The following KCTD10 variants were observed in gnomAD, a reference collection of about 807,000 sequenced individuals.
KCTD10 encodes the protein potassium channel tetramerization domain containing 10.
Under a neutral mutation model 34.6 loss-of-function variants are expected in KCTD10, and 13 were observed. The ratio of observed to expected loss-of-function variants is 0.38; its 90% CI spans 0.24 to 0.60. KCTD10 has a LOEUF of 0.60. KCTD10 is among the 20% of genes least tolerant of loss of function. The probability of loss-of-function intolerance (pLI) is 0.66; values close to 1 mark genes in which losing one functional copy is unlikely to be tolerated. For missense variants in KCTD10, 256 were observed against 420.3 expected (o/e 0.61, Z 3.42); for synonymous variants, 156 against 168.8 (o/e 0.92, Z 0.59).
rs374862342 is a variant in KCTD10, at chr12:109,457,976, G to C, written c.474+16C>G. ...CTGGTAGCAAAAGAAATTCCACAAG[G>C]GTGCCTCCAACATACCTTATTTGAA... On this transcript the variant is annotated intron_variant, in intron 4 of 6. Transcript: ENST00000228495. 11 of 1,593,318 alleles carry C rather than the reference G, an allele frequency of 6.9e-6. No homozygotes were observed. The East Asian group carries it at 2.0e-4, about 29-fold the overall frequency.
intron 3 of KCTD10, chr12:109,458,930 A>T (rs1390066587): frequency 6.6e-6 from 1 of 152,358 alleles, no homozygotes; most frequent in Admixed American, 6.5e-5. Flanking sequence ...AGGACCTTCC[A>T]TGCACAAACA....
At chr12:109,462,416 G>T (rs1873382548) in intron 2 of KCTD10, among the ~76,000 whole-genome samples, 1 of 152,240 alleles carries the variant, frequency 6.6e-6, no homozygotes, top group African/African-American at 2.4e-5. Flanking sequence ...CAAATGTATA[G>T]CCCTGAGTCA....
Position 109,456,102 on chromosome 12 carries a change from C to T in KCTD10, c.723+16G>A, listed in dbSNP as rs1209112425. ...TTCAGAACAGCCACTCCAAACTGTC[C>T]TCTCGAGGCTCTTACCTTGGTCTGT... is the stretch of plus-strand genomic sequence containing the variant. On this transcript the variant is annotated intron_variant, in intron 6 of 6. Coordinates refer to ENST00000228495, the MANE Select transcript of KCTD10 (RefSeq NM_031954.5). The T allele has an allele frequency of 1.9e-6, 3 of 1,613,606 alleles. No homozygotes were observed. The highest frequency in any genetic ancestry group is 4.5e-5 in the East Asian group (2 of 44,874).
chr12:109,461,266 A>T (rs1389977124), intron 2 of KCTD10, among the ~76,000 whole-genome samples: 1 of 152,164 alleles, frequency 6.6e-6, no homozygotes, highest in East Asian at 1.9e-4. Context: ...ATTTCTAAGA[A>T]CGCACAAGTC....
At position 109,451,558 on chromosome 12, in the gene KCTD10, G is replaced by A; in HGVS notation, c.*37C>T. 1 of 1,564,428 alleles carries A rather than the reference G, an allele frequency of 6.4e-7. No homozygotes were observed. On this transcript the variant is annotated 3_prime_UTR_variant, in exon 7 of 7. Coordinates refer to ENST00000228495, the MANE Select transcript of KCTD10 (RefSeq NM_031954.5). This position sits in a 1 kb window ranked among gnomAD's most constrained non-coding sequence, Gnocchi z 5.0. The stretch of plus-strand genomic sequence containing the variant: ...CTGGGTGTAGCACGGCAGGGAGTGG[G>A]GGCGGTGAGAGGAGGGCGGCTCGGT...
intron 6 of KCTD10, among the ~76,000 whole-genome samples, chr12:109,452,831 C>A (rs1872842854): frequency 7.9e-6 from 1 of 125,856 alleles, no homozygotes; most frequent in Non-Finnish European, 1.7e-5. Context: ...GGGAGGAAAT[C>A]CTGGTTTTCT....
At chr12:109,470,183 C>T in intron 1 of KCTD10, 2 of 992,546 alleles carry the variant, frequency 2.0e-6, no homozygotes, top group Non-Finnish European at 2.4e-6. Context: ...TTTACATTTC[C>T]TTATTGCCAT....
Position 109,460,886 on chromosome 12 carries a change from G to C in KCTD10, c.218-81C>G. 7.2e-7 allele frequency: 1 copy of C among 1,394,834 alleles called. No homozygotes were observed. The highest frequency in any genetic ancestry group is 1.3e-5 in the South Asian group (1 of 78,040). 86.4% of individuals were successfully genotyped at this position (1,394,834 alleles called of 1,614,324 possible). A position where few individuals can be genotyped will look rare whatever the true frequency, so the allele number is the denominator to read the frequency against. On this transcript the variant is annotated intron_variant, in intron 2 of 6. Transcript: ENST00000228495. This position sits in a 1 kb window ranked among gnomAD's most constrained non-coding sequence, Gnocchi z 4.5. ...CTGAGCAGAGCTGGGGTGTCTCTCG[G>C]CTCCCTCTACCTCCCAGCGGAGAGC...
chr12:109,456,417 ACCT>A (rs1372040164), intron 5 of KCTD10, 104 bp from the exon 6 acceptor site: 3 of 908,090 alleles, frequency 3.3e-6, no homozygotes, highest in Non-Finnish European at 5.4e-6. Flanking sequence ...TTTCTCCACT[ACCT>A]CATTTCAACC....
In KCTD10 at chr12:109,448,757, A is replaced by T. The variant is rs1022818078; in HGVS notation, c.*2838T>A. ...TTTTTTATGGCGCAAAGAGACAGAA[A>T]GGTTAATGACACACTTAACTGTTAC... On this transcript the variant is annotated 3_prime_UTR_variant, in exon 7 of 7. Coordinates refer to ENST00000228495, the MANE Select transcript of KCTD10 (RefSeq NM_031954.5). The T allele has an allele frequency of 6.6e-6, 1 of 152,258 alleles. No individual in the cohort carries two copies. Among genetic ancestry groups the T allele is most frequent in the Non-Finnish European group, 1.5e-5 (1 of 68,040 alleles). 9.4% of individuals were successfully genotyped at this position (152,258 alleles called of 1,614,324 possible).
At chr12:109,467,152 A>G (rs1873630459) in intron 2 of KCTD10, among the ~76,000 whole-genome samples, 1 of 152,210 alleles carries the variant, frequency 6.6e-6, no homozygotes, top group Non-Finnish European at 1.5e-5. Flanking sequence ...CAGGCCCACA[A>G]CTAGCCATGG....
At chr12:109,470,689 T>C (rs1220997698) in intron 1 of KCTD10, 1 of 721,922 alleles carries the variant, frequency 1.4e-6, no homozygotes, top group African/African-American at 1.9e-5. Context: ...GGCCACTCTG[T>C]GCCCTTGCGA....
At chr12:109,454,483 C>G (rs1872925536) in intron 6 of KCTD10, among the ~76,000 whole-genome samples, 1 of 152,180 alleles carries the variant, frequency 6.6e-6, no homozygotes, top group South Asian at 2.1e-4. Context: ...AATCCCAACA[C>G]TTTGGGAGGC....
intron 2 of KCTD10, among the ~76,000 whole-genome samples, chr12:109,463,367 G>C (rs1363870565): frequency 6.6e-6 from 1 of 152,196 alleles, no homozygotes; most frequent in African/African-American, 2.4e-5. Flanking sequence ...AAGGGAGCCA[G>C]GCACACTCTC....
In KCTD10 at chr12:109,448,683, C is replaced by T. The variant is rs1350990657; in HGVS notation, c.*2912G>A. The T allele has an allele frequency of 6.6e-6, 1 of 152,218 alleles. No individual in the cohort carries two copies. The highest frequency in any genetic ancestry group is 2.4e-5 in the African/African-American group (1 of 41,444). The allele number at this position is 152,218 out of a possible 1,614,324, so 9.4% of individuals were successfully genotyped here. ...ATTTTATGACTTTTATTTTACATGT[C>T]GCCAACGTTTGTACAACATACAGTG... On this transcript the variant is annotated 3_prime_UTR_variant, in exon 7 of 7. Coordinates refer to ENST00000228495, the MANE Select transcript of KCTD10 (RefSeq NM_031954.5).
chr12:109,460,366 G>A lies in KCTD10; in HGVS notation c.387+270C>T, dbSNP rs1038130575. 4.8e-6 allele frequency: 2 copies of A among 417,540 alleles called. No individual in the cohort carries two copies. Among genetic ancestry groups the A allele is most frequent in the Non-Finnish European group, 8.7e-6 (2 of 228,958 alleles). The allele number at this position is 417,540 out of a possible 1,614,324, so 25.9% of individuals were successfully genotyped here. On this transcript the variant is annotated intron_variant, in intron 3 of 6. Coordinates refer to ENST00000228495, the MANE Select transcript of KCTD10 (RefSeq NM_031954.5). This position sits in a 1 kb window ranked among gnomAD's most constrained non-coding sequence, Gnocchi z 4.5. ...CACCGACCAAGTTTCACACCGCGGG[G>A]TTCTCTGCTGAAGGGTTGAGATGTA...
At chr12:109,472,001 T>C (rs1420489120) in intron 1 of KCTD10, among the ~76,000 whole-genome samples, 1 of 152,172 alleles carries the variant, frequency 6.6e-6, no homozygotes, top group Non-Finnish European at 1.5e-5. Flanking sequence ...GCCTGGAAAT[T>C]GCTCTGGGTG....
intron 1 of KCTD10, among the ~76,000 whole-genome samples, chr12:109,472,354 A>C (rs1873931779): frequency 6.6e-6 from 1 of 152,096 alleles, no homozygotes. Context: ...TAGCCTACAC[A>C]GGGTCAGGAT....
intron 3 of KCTD10, chr12:109,458,879 A>T (rs1399167505): frequency 1.3e-5 from 2 of 152,214 alleles, no homozygotes; most frequent in African/African-American, 2.4e-5. Context: ...CCCGCTGAAA[A>T]AGTCTGCCTT....
Sources: allele counts gnomAD v4.1 joint callset (sites outside exome capture counted in the v4.1 genomes callset), GRCh38; gene constraint gnomAD v4.1.1; non-coding constraint Gnocchi (gnomAD v3.1); transcripts MANE v1.5; gene names NCBI Gene and HGNC (gene_info 2026-07-23, HGNC 2026-07-21).